The following PTPRD variants were observed in gnomAD, a reference collection of about 807,000 sequenced individuals.
PTPRD encodes protein tyrosine phosphatase receptor type D.
In PTPRD, 34 loss-of-function variants were observed where a neutral mutation model predicts 214.5. The ratio of observed to expected loss-of-function variants is 0.16; its 90% CI spans 0.12 to 0.21. The LOEUF is 0.21. Ranked by LOEUF, PTPRD falls within the 10% of genes least tolerant of loss-of-function variation. The pLI is 1.00. For synonymous variants in PTPRD, 1,128 were observed against 845.7 expected, an observed-to-expected ratio of 1.33 and a Z score of -5.79; for missense variants, 2,545 against 2,398.7, an observed-to-expected ratio of 1.06 and a Z score of -1.27.
chr9:8,733,709 G>A, intron 12 of PTPRD, 71 bp downstream of exon 12: 2 of 1,471,300 alleles, frequency 1.4e-6, no homozygotes, highest in Non-Finnish European at 1.9e-6. Flanking sequence ...GAGGCCCTGA[G>A]CCTGGTGCCA....
At chr9:8,438,554 C>T (rs946707430) in intron 34 of PTPRD, 8 of 152,114 alleles carry the variant, frequency 5.3e-5, no homozygotes, top group Non-Finnish European at 8.8e-5. Context: ...ATTACGTGAT[C>T]TTATCCAGAT....
chr9:9,337,213 C>A (rs141937465), intron 9 of PTPRD, among the ~76,000 whole-genome samples: 13 of 152,182 alleles, frequency 8.5e-5, no homozygotes, highest in African/African-American at 2.9e-4. Flanking sequence ...CATTAACTGA[C>A]AAAATGCAAC....
chr9:9,634,061 C>T (rs1424021633), intron 7 of PTPRD, among the ~76,000 whole-genome samples: 1 of 151,942 alleles, frequency 6.6e-6, no homozygotes, highest in African/African-American at 2.4e-5. Context: ...TTATTTTTTA[C>T]TTAAAAATGG....
chr9:10,217,514 C>A (rs1002636946), intron 3 of PTPRD, among the ~76,000 whole-genome samples: 2 of 151,900 alleles, frequency 1.3e-5, no homozygotes, highest in African/African-American at 2.4e-5. Flanking sequence ...AAATTGATCA[C>A]AGCATTCTTT....
chr9:10,149,111 CA>C (rs1197537213), intron 3 of PTPRD, among the ~76,000 whole-genome samples: 11 of 152,108 alleles, frequency 7.2e-5, no homozygotes, highest in Admixed American at 5.9e-4. Flanking sequence ...ATATTATGAC[CA>C]TGTAGAAACT....
At chr9:9,076,444 C>T (rs1351492286) in intron 10 of PTPRD, among the ~76,000 whole-genome samples, 1 of 151,854 alleles carries the variant, frequency 6.6e-6, no homozygotes, top group Non-Finnish European at 1.5e-5. Context: ...CTTTGCTCCC[C>T]TGTCTAGTAC....
At position 8,622,945 on chromosome 9, in the gene PTPRD, C is replaced by G. The variant is rs186074654; in HGVS notation, c.352+10372G>C. Among the ~76,000 whole-genome samples, 87 of 151,636 alleles carry G rather than the reference C, an allele frequency of 5.7e-4. 1 individual carries two copies. Among genetic ancestry groups the G allele is most frequent in the Admixed American group, 3.7e-3 (56 of 15,186 alleles). On this transcript the variant is annotated intron_variant, in intron 14 of 45. Transcript: ENST00000381196. ...CTTAAGCCAAGAGTTCAAGACCAGC[C>G]TGGGCAATATAGCAAGACCTATTTT...
intron 8 of PTPRD, among the ~76,000 whole-genome samples, chr9:9,460,136 T>G (rs762412871): frequency 6.6e-6 from 1 of 152,030 alleles, no homozygotes; most frequent in Non-Finnish European, 1.5e-5. Flanking sequence ...AACACCTGGC[T>G]AGCTATATGA....
rs138694040 is a variant in PTPRD at position 8,418,568 on chromosome 9, ATT to A, written c.4087-13910_4087-13909del. On this transcript the variant is annotated intron_variant, in intron 35 of 45. Transcript: ENST00000381196. ...TGCATGTAAAATGTATGTAAAATAC[ATT>A]TTTTTTTTTTTGTAATTTTAATCAT... 6.7e-4 allele frequency among the ~76,000 whole-genome samples: 98 copies of A among 146,394 alleles called. 1 individual carries two copies. The highest frequency in any genetic ancestry group is 1.4e-3 in the Admixed American group (20 of 14,662).
chr9:8,935,953 T>C (rs551840164), intron 11 of PTPRD: 12 of 152,162 alleles, frequency 7.9e-5, no homozygotes, highest in African/African-American at 2.9e-4. Flanking sequence ...TGAACCTTTT[T>C]CCTCAGTTTT....
chr9:10,554,952 T>G (rs1040945137), intron 2 of PTPRD, among the ~76,000 whole-genome samples: 10 of 152,130 alleles, frequency 6.6e-5, no homozygotes, highest in African/African-American at 2.4e-4. Context: ...GAGCCACCGC[T>G]CCAGGCTATA....
chr9:10,095,606 A>G (rs1321991303), intron 3 of PTPRD, among the ~76,000 whole-genome samples: 1 of 151,642 alleles, frequency 6.6e-6, no homozygotes, highest in African/African-American at 2.4e-5. Context: ...AAAATAATGA[A>G]GACTGAGATA....
At chr9:10,493,829 C>T (rs1197225391) in intron 2 of PTPRD, among the ~76,000 whole-genome samples, 1 of 151,970 alleles carries the variant, frequency 6.6e-6, no homozygotes, top group African/African-American at 2.4e-5. Context: ...GCCATACACA[C>T]ACAAATACAC....
intron 8 of PTPRD, among the ~76,000 whole-genome samples, chr9:9,462,799 G>T (rs1413370728): frequency 6.6e-6 from 1 of 152,126 alleles, no homozygotes; most frequent in East Asian, 1.9e-4. Context: ...AATAGAGATG[G>T]AAATTTTGGT....
chr9:10,474,735 T>C (rs1052631868), intron 2 of PTPRD, among the ~76,000 whole-genome samples: 1 of 151,936 alleles, frequency 6.6e-6, no homozygotes, highest in Non-Finnish European at 1.5e-5. Context: ...TAATTTGAAG[T>C]AAAACACTAC....
At chr9:9,325,711 C>G (rs1216232948) in intron 9 of PTPRD, among the ~76,000 whole-genome samples, 1 of 152,114 alleles carries the variant, frequency 6.6e-6, no homozygotes, top group African/African-American at 2.4e-5. Context: ...TTGCCCTGGC[C>G]AGAACTTCCA....
chr9:10,042,323 G>C (rs1386199131), intron 3 of PTPRD, among the ~76,000 whole-genome samples: 1 of 151,948 alleles, frequency 6.6e-6, no homozygotes, highest in African/African-American at 2.4e-5. Flanking sequence ...AGAAGACTCA[G>C]AGATGAATCC....
chr9:9,251,370 C>T (rs960022823), intron 9 of PTPRD, among the ~76,000 whole-genome samples: 1 of 152,076 alleles, frequency 6.6e-6, no homozygotes, highest in African/African-American at 2.4e-5. Flanking sequence ...AGCAATATAT[C>T]TTCTATATCC....
intron 11 of PTPRD, among the ~76,000 whole-genome samples, chr9:8,882,268 G>A (rs990321522): frequency 1.3e-5 from 2 of 152,024 alleles, no homozygotes; most frequent in Non-Finnish European, 2.9e-5. Context: ...TGATCTTATA[G>A]TATCTCACTT....
Sources: gnomAD v4.1 joint callset for allele counts (sites outside exome capture counted in the v4.1 genomes callset) on GRCh38, gnomAD v4.1.1 for gene constraint, MANE v1.5 for transcripts, NCBI Gene and HGNC (gene_info 2026-07-23, HGNC 2026-07-21) for gene names.